The following LSAMP variants were observed in gnomAD, a reference collection of about 807,000 sequenced individuals.
The protein encoded by LSAMP is limbic system-associated membrane protein.
Under a neutral mutation model 38.6 loss-of-function variants are expected in LSAMP, and 7 were observed. The ratio of observed to expected loss-of-function variants is 0.18; its 90% CI spans 0.10 to 0.34. The LOEUF (loss-of-function observed/expected upper bound fraction) is 0.34, where lower values mean the gene tolerates loss of function less well. Among genes scored for constraint, LSAMP ranks in the 10% least tolerant of loss-of-function variants. The pLI is 1.00. For missense variants in LSAMP, 313 were observed against 420.0 expected (o/e 0.75, Z 2.23); for synonymous variants, 154 against 166.8 (o/e 0.92, Z 0.59).
chr3:116,189,861 A>T (rs1486322482), intron 1 of LSAMP, among the ~76,000 whole-genome samples: 1 of 152,148 alleles, frequency 6.6e-6, no homozygotes. Flanking sequence ...AGATGAAACA[A>T]TCATTTTGTA....
intron 1 of LSAMP, among the ~76,000 whole-genome samples, chr3:116,315,331 C>G (rs2047614598): frequency 6.6e-6 from 1 of 152,158 alleles, no homozygotes; most frequent in Admixed American, 6.5e-5. Context: ...TTCCAAATCC[C>G]CTTTGTCCTG....
chr3:115,893,909 C>T (rs1355165196), intron 3 of LSAMP, among the ~76,000 whole-genome samples: 5 of 151,934 alleles, frequency 3.3e-5, no homozygotes, highest in Admixed American at 2.6e-4. Context: ...ATGCATACTC[C>T]GTAGCCATGT....
At position 115,896,791 on chromosome 3, in the gene LSAMP, C is replaced by T. The variant is rs561356131; in HGVS notation, c.515-44174G>A. Among the ~76,000 whole-genome samples the T allele has an allele frequency of 2.0e-5, 3 of 152,172 alleles. No individual in the cohort carries two copies. In the South Asian group the frequency reaches 6.2e-4, roughly 32 times the overall value. On this transcript the variant is annotated intron_variant, in intron 3 of 6. Coordinates refer to ENST00000490035, the MANE Select transcript of LSAMP (RefSeq NM_002338.5). Reference sequence around the variant, plus strand: ...TTACATGTGGTCCGCACATTGTTATCCTCAGTGAAAGGACTTTCAAATTTG... The same window carrying T: ...TTACATGTGGTCCGCACATTGTTATTCTCAGTGAAAGGACTTTCAAATTTG...
intron 6 of LSAMP, chr3:115,834,450 A>T (rs1934717284): frequency 1.2e-6 from 1 of 823,770 alleles, no homozygotes; most frequent in Admixed American, 2.4e-5. Context: ...AAAATGATTT[A>T]TATTGTATGT....
intron 1 of LSAMP, among the ~76,000 whole-genome samples, chr3:116,220,590 C>G: frequency 6.6e-6 from 1 of 152,118 alleles, no homozygotes; most frequent in Non-Finnish European, 1.5e-5. Flanking sequence ...TTTGCAATAT[C>G]AATTTCTTAT....
intron 1 of LSAMP, among the ~76,000 whole-genome samples, chr3:116,180,215 T>A (rs1254498268): frequency 2.0e-5 from 3 of 152,160 alleles, no homozygotes; most frequent in Non-Finnish European, 4.4e-5. Context: ...TCTGCTCTCA[T>A]GGAACTTAGA....
chr3:116,153,635 G>C (rs1412601336), intron 1 of LSAMP, among the ~76,000 whole-genome samples: 1 of 151,982 alleles, frequency 6.6e-6, no homozygotes, highest in Non-Finnish European at 1.5e-5. Flanking sequence ...TTTTTCTTTA[G>C]GGTTCAGAAA....
intron 1 of LSAMP, among the ~76,000 whole-genome samples, chr3:116,091,245 AG>A (rs1435196609): frequency 6.6e-6 from 1 of 152,200 alleles, no homozygotes; most frequent in Non-Finnish European, 1.5e-5. Context: ...CGGCGGCCAG[AG>A]TTTAAGGTTA....
intron 3 of LSAMP, among the ~76,000 whole-genome samples, chr3:115,975,682 T>C (rs774661095): frequency 3.9e-5 from 6 of 152,184 alleles, no homozygotes; most frequent in Non-Finnish European, 7.4e-5. Flanking sequence ...CAGAGATTTC[T>C]AAACCGCCAA....
Position 116,379,912 on chromosome 3 carries a change from T to A in LSAMP, c.155+64965A>T, listed in dbSNP as rs1174259881. 2.6e-5 allele frequency among the ~76,000 whole-genome samples: 4 copies of A among 152,164 alleles called. No individual in the cohort carries two copies. In the East Asian group the frequency reaches 7.7e-4, roughly 29 times the overall value. ...AACCCTTCATTTCACTCAGATCGCT[T>A]CTGTGTTTGGAATCTCTGATTTGGC... is the stretch of plus-strand genomic sequence containing the variant. On this transcript the variant is annotated intron_variant, in intron 1 of 6. Coordinates refer to ENST00000490035, the MANE Select transcript of LSAMP (RefSeq NM_002338.5).
chr3:115,878,642 A>G (rs2107422189), intron 3 of LSAMP, among the ~76,000 whole-genome samples: 1 of 151,692 alleles, frequency 6.6e-6, no homozygotes. Flanking sequence ...TTATATTTTT[A>G]GTAGAGATGG....
intron 1 of LSAMP, among the ~76,000 whole-genome samples, chr3:116,431,023 T>G (rs1354494295): frequency 6.6e-6 from 1 of 152,050 alleles, no homozygotes; most frequent in Non-Finnish European, 1.5e-5. Flanking sequence ...TTCTTCCCTA[T>G]AGTTTTCATC....
At chr3:115,904,802 T>G (rs1395814423) in intron 3 of LSAMP, among the ~76,000 whole-genome samples, 1 of 152,116 alleles carries the variant, frequency 6.6e-6, no homozygotes, top group South Asian at 2.1e-4. Flanking sequence ...CTTCCTATTG[T>G]GCTGTTGTTG....
chr3:115,881,209 G>C (rs1175306600), intron 3 of LSAMP, among the ~76,000 whole-genome samples: 1 of 152,024 alleles, frequency 6.6e-6, no homozygotes, highest in African/African-American at 2.4e-5. Context: ...TGCCGCTAAG[G>C]GTGGCATGTG....
intron 3 of LSAMP, among the ~76,000 whole-genome samples, chr3:115,867,215 G>T (rs1935886904): frequency 6.6e-6 from 1 of 151,720 alleles, no homozygotes; most frequent in African/African-American, 2.4e-5. Context: ...AAGATAATTG[G>T]GTAAGTTATG....
At chr3:116,289,435 A>G (rs2047235040) in intron 1 of LSAMP, among the ~76,000 whole-genome samples, 1 of 152,200 alleles carries the variant, frequency 6.6e-6, no homozygotes, top group African/African-American at 2.4e-5. Flanking sequence ...AAGAAAACAG[A>G]ATATCCACTA....
chr3:116,211,893 G>A (rs2046161217), intron 1 of LSAMP, among the ~76,000 whole-genome samples: 1 of 152,224 alleles, frequency 6.6e-6, no homozygotes, highest in Non-Finnish European at 1.5e-5. Context: ...ATGGCCAGCA[G>A]ATAGATGATA....
intron 1 of LSAMP, among the ~76,000 whole-genome samples, chr3:116,202,873 T>C (rs17643878): frequency 0.15 from 23,422 of 152,148 alleles, 2,242 homozygotes; most frequent in Admixed American, 0.23. Context: ...AAATTAAGTA[T>C]TCAAGTCCCC....
intron 1 of LSAMP, among the ~76,000 whole-genome samples, chr3:116,422,547 T>C (rs779228258): frequency 2.2e-4 from 34 of 152,264 alleles, no homozygotes; most frequent in Non-Finnish European, 4.7e-4. Flanking sequence ...CAACTGTATA[T>C]AGAAACAGAA....
Sources: gnomAD v4.1 joint callset for allele counts (sites outside exome capture counted in the v4.1 genomes callset) on GRCh38, gnomAD v4.1.1 for gene constraint, MANE v1.5 for transcripts, NCBI Gene and HGNC (gene_info 2026-07-23, HGNC 2026-07-21) for gene names.